TAF1: variants seen among roughly 807,000 people sequenced by gnomAD.
TAF1 encodes TATA-box binding protein associated factor 1, also known as transcription initiation factor TFIID subunit 1.
Under a neutral mutation model 138.5 loss-of-function variants are expected in TAF1, and 2 were observed. The observed-to-expected ratio is 0.01, with a 90% CI of 0.01 to 0.05. The LOEUF (loss-of-function observed/expected upper bound fraction) is 0.05, where lower values mean the gene tolerates loss of function less well. Among genes scored for constraint, TAF1 ranks in the 10% least tolerant of loss-of-function variants. The probability of loss-of-function intolerance (pLI) is 1.00; values close to 1 mark genes in which losing one functional copy is unlikely to be tolerated. For synonymous variants in TAF1, 437 were observed against 503.2 expected (o/e 0.87, Z 1.76); for missense variants, 709 against 1,478.0 (o/e 0.48, Z 8.53).
At chrX:71,411,362 A>G (rs889304019) in intron 28 of TAF1, among the ~76,000 whole-genome samples, 3 of 111,948 alleles carry the variant, frequency 2.7e-5, no homozygotes. Flanking sequence ...GATTACAGGC[A>G]TGAGCCACCA....
chrX:71,407,792 G>A, intron 27 of TAF1, 120 bp downstream of exon 27: 1 of 962,089 alleles, frequency 1.0e-6, no homozygotes, highest in Non-Finnish European at 1.4e-6. Context: ...AATTTTTAGG[G>A]AGTTAGTTTT....
intron 3 of TAF1, among the ~76,000 whole-genome samples, chrX:71,369,141 C>T (rs905941164): frequency 4.5e-5 from 5 of 110,614 alleles, no homozygotes; most frequent in East Asian, 5.8e-4. Context: ...TGAGCCACCA[C>T]GCCCGGCCAC....
At chrX:71,482,350 C>G (rs1407028674) in intron 13 of TAF1, among the ~76,000 whole-genome samples, 1 of 112,185 alleles carries the variant, frequency 8.9e-6, no homozygotes, top group Non-Finnish European at 1.9e-5. Flanking sequence ...CATATTTCTT[C>G]CCTGCACATA....
intron 37 of TAF1, among the ~76,000 whole-genome samples, chrX:71,462,541 C>T (rs951664555): frequency 9.0e-6 from 1 of 111,411 alleles, no homozygotes; most frequent in Non-Finnish European, 1.9e-5. Context: ...CACTGTACTC[C>T]AGCCTGGTGA....
chrX:71,393,059 AG>A, intron 20 of TAF1, 65 bp downstream of exon 20: 1 of 1,172,778 alleles, frequency 8.5e-7, no homozygotes, highest in Non-Finnish European at 1.2e-6. Flanking sequence ...AATTGCTAGG[AG>A]GCAGATGTAA....
rs757011023 is a variant in TAF1 at position 71,426,767 on chromosome X, A to C, written c.4753+2529A>C. On this transcript the variant is annotated intron_variant, in intron 32 of 37. Transcript: ENST00000423759. Reference sequence around the variant, plus strand: ...TTGGGGTTGCAGTTCAAGTGTACATACTGGTAAATAACTGTTTTGAGAGGC... The same window carrying C: ...TTGGGGTTGCAGTTCAAGTGTACATCCTGGTAAATAACTGTTTTGAGAGGC... Among the ~76,000 whole-genome samples, 10 of 110,934 alleles carry C rather than the reference A, an allele frequency of 9.0e-5. No individual in the cohort carries two copies. In the South Asian group the frequency reaches 2.7e-3, roughly 30 times the overall value.
rs1371036183 is a variant in TAF1, at chrX:71,508,098, A to C, written c.1367-20444A>C. On this transcript the variant is annotated intron_variant and NMD_transcript_variant, in intron 13 of 14. Transcript: ENST00000373775. Reference sequence around the variant, plus strand: ...TCTCTCTCTCTCTCTATATATATATATATATATATATATATGAATTTAGAT... The same window carrying C: ...TCTCTCTCTCTCTCTATATATATATCTATATATATATATATGAATTTAGAT... Among the ~76,000 whole-genome samples, 149 of 102,376 alleles carry C rather than the reference A, an allele frequency of 1.5e-3. 1 individual carries two copies. Among genetic ancestry groups the C allele is most frequent in the Non-Finnish European group, 2.2e-3 (110 of 50,642 alleles). The allele number at this position is 102,376 out of a possible 115,157, so 88.9% of individuals were successfully genotyped here.
Position 71,378,757 on chromosome X carries a change from G to T in TAF1, c.1153-67G>T, listed in dbSNP as rs2148241686. On this transcript the variant is annotated intron_variant, in intron 7 of 37. Coordinates refer to ENST00000423759, the MANE Select transcript of TAF1 (RefSeq NM_004606.5). ...ATGTGTCTGATGTATCTTTAATGTG[G>T]AATTTGGAGTGGAAACCTTGACCAG... 13 of 1,079,933 alleles carry T rather than the reference G, an allele frequency of 1.2e-5. No individual in the cohort carries two copies. In the South Asian group the frequency reaches 2.1e-4, roughly 17 times the overall value. The allele number at this position is 1,079,933 out of a possible 1,213,427, so 89.0% of individuals were successfully genotyped here.
chrX:71,503,320 ATGTG>A (rs761227550), intron 13 of TAF1, among the ~76,000 whole-genome samples: 9 of 88,671 alleles, frequency 1.0e-4, no homozygotes, highest in African/African-American at 3.6e-4. Flanking sequence ...ATATATATAT[ATGTG>A]TGTGTATATA....
At chrX:71,528,407 C>T in intron 13 of TAF1, 2 of 259,050 alleles carry the variant, frequency 7.7e-6, no homozygotes, top group South Asian at 7.4e-5. Context: ...TACTTTCAGA[C>T]ACACACATAG....
At chrX:71,366,515 G>GGGT in intron 1 of TAF1, 21 bp downstream of exon 1, 5 of 418,732 alleles carry the variant, frequency 1.2e-5, no homozygotes, top group Non-Finnish European at 2.0e-5. Flanking sequence ...GGGCGTGGGG[G>GGGT]TAGGGCTCGG....
At chrX:71,395,764 C>G (rs1451617442) in intron 22 of TAF1, among the ~76,000 whole-genome samples, 1 of 111,319 alleles carries the variant, frequency 9.0e-6, no homozygotes, top group Non-Finnish European at 1.9e-5. Flanking sequence ...CCAATGTGGT[C>G]ATCTATGTTT....
At chrX:71,373,667 G>A (rs1478131103) in intron 3 of TAF1, among the ~76,000 whole-genome samples, 1 of 111,671 alleles carries the variant, frequency 9.0e-6, no homozygotes, top group African/African-American at 3.3e-5. Flanking sequence ...AGTTTCCTTA[G>A]GAAGCAGAAG....
chrX:71,383,876 G>T, intron 12 of TAF1, 86 bp from the exon 13 acceptor site: 1 of 1,012,499 alleles, frequency 9.9e-7, no homozygotes, highest in Non-Finnish European at 1.3e-6. Flanking sequence ...AAATGTTTTT[G>T]GTGTGTTTGT....
intron 32 of TAF1, among the ~76,000 whole-genome samples, chrX:71,447,428 C>T (rs754169316): frequency 2.7e-5 from 3 of 110,673 alleles, no homozygotes; most frequent in South Asian, 7.6e-4. Context: ...ATAGGTTGGG[C>T]GTGGTGGCTC....
intron 32 of TAF1, among the ~76,000 whole-genome samples, chrX:71,443,253 C>G (rs748482254): frequency 8.9e-6 from 1 of 111,884 alleles, no homozygotes; most frequent in South Asian, 3.7e-4. Flanking sequence ...ACCTTGGGCA[C>G]TATGGCCATT....
rs189122758 is a variant in TAF1, at chrX:71,502,049, T to C, written c.1367-26493T>C. 5.4e-5 allele frequency among the ~76,000 whole-genome samples: 6 copies of C among 111,024 alleles called. No individual in the cohort carries two copies. In the Admixed American group the frequency reaches 5.7e-4, roughly 11 times the overall value. ...AAAGAGTAAGCAGCAGCAAGATTTA[T>C]TGTGAAGAGTGAAAGAACAAAGCTT... On this transcript the variant is annotated intron_variant and NMD_transcript_variant, in intron 13 of 14. Transcript: ENST00000373775.
At chrX:71,406,807 A>G in intron 26 of TAF1, 61 bp downstream of exon 26, 1 of 953,472 alleles carries the variant, frequency 1.0e-6, no homozygotes, top group South Asian at 2.2e-5. Context: ...CCAGCCCTGT[A>G]TGCCACAGCT....
intron 36 of TAF1, among the ~76,000 whole-genome samples, chrX:71,460,114 G>A (rs1287143849): frequency 9.0e-6 from 1 of 111,726 alleles, no homozygotes; most frequent in Admixed American, 9.5e-5. Flanking sequence ...GTGTGGTGGC[G>A]AGTGCTTGTA....
Sources: allele counts gnomAD v4.1 joint callset (sites outside exome capture counted in the v4.1 genomes callset), GRCh38; gene constraint gnomAD v4.1.1; transcripts MANE v1.5; gene names NCBI Gene and HGNC (gene_info 2026-07-23, HGNC 2026-07-21).